KCNMB4: variants seen among roughly 807,000 people sequenced by gnomAD.
KCNMB4 encodes the protein calcium-activated potassium channel subunit beta-4.
A neutral mutation model predicts 20.7 loss-of-function variants in KCNMB4; 3 were observed. That is an observed-to-expected ratio of 0.14 (90% confidence interval 0.07 to 0.37). The LOEUF is 0.37. Among genes scored for constraint, KCNMB4 ranks in the 10% least tolerant of loss-of-function variants. The pLI, the probability that KCNMB4 is intolerant of heterozygous loss-of-function variation, is 1.00. For missense variants in KCNMB4, 168 were observed against 265.9 expected, an observed-to-expected ratio of 0.63 and a Z score of 2.56; for synonymous variants, 110 against 113.4, an observed-to-expected ratio of 0.97 and a Z score of 0.19.
intron 1 of KCNMB4, among the ~76,000 whole-genome samples, chr12:70,386,593 TGTTG>T (rs1434539961): frequency 3.1e-5 from 4 of 130,068 alleles, no homozygotes; most frequent in Admixed American, 1.4e-4. Context: ...TTTGTTTGTT[TGTTG>T]TTTTTTTTTT....
chr12:70,405,809 G>A (rs1349291534), intron 2 of KCNMB4, among the ~76,000 whole-genome samples: 2 of 152,100 alleles, frequency 1.3e-5, no homozygotes, highest in African/African-American at 4.8e-5. Flanking sequence ...TGATACCTGG[G>A]GTCTCAGCTA....
intron 2 of KCNMB4, among the ~76,000 whole-genome samples, chr12:70,401,634 C>T (rs1051182119): frequency 1.5e-5 from 2 of 131,210 alleles, no homozygotes; most frequent in Non-Finnish European, 3.2e-5. Context: ...ACAGCAATGA[C>T]ACTTTTTTTT....
chr12:70,367,769 A>T (rs186126749), intron 1 of KCNMB4, among the ~76,000 whole-genome samples: 2 of 152,232 alleles, frequency 1.3e-5, no homozygotes, highest in Admixed American at 1.3e-4. Flanking sequence ...TCTGGAGAAC[A>T]GTAAAACTTG....
intron 1 of KCNMB4, among the ~76,000 whole-genome samples, chr12:70,382,966 C>G (rs1318352474): frequency 1.3e-5 from 2 of 152,122 alleles, no homozygotes; most frequent in Non-Finnish European, 2.9e-5. Flanking sequence ...GCCTATTGCT[C>G]CTAGGCTACA....
In KCNMB4 at chr12:70,366,713, C is replaced by T; in HGVS notation, c.-22C>T. 6.5e-7 allele frequency: 1 copy of T among 1,528,676 alleles called. No homozygotes were observed. The highest frequency in any genetic ancestry group is 2.5e-5 in the East Asian group (1 of 40,458). 94.7% of individuals were successfully genotyped at this position (1,528,676 alleles called of 1,614,324 possible). ...GCGGGAGGGGGCGGGGGGAGCACGC[C>T]AGCCGCCGAGAGTGGGGGGCGATGG... On this transcript the variant is annotated 5_prime_UTR_variant, in exon 1 of 3. Transcript: ENST00000258111.
intron 2 of KCNMB4, among the ~76,000 whole-genome samples, chr12:70,401,491 G>A (rs1565861206): frequency 6.6e-6 from 1 of 152,070 alleles, no homozygotes; most frequent in Non-Finnish European, 1.5e-5. Context: ...TACTGCCAAG[G>A]TAATCTTTCT....
At chr12:70,405,632 T>C (rs1868578698) in intron 2 of KCNMB4, among the ~76,000 whole-genome samples, 1 of 152,190 alleles carries the variant, frequency 6.6e-6, no homozygotes, top group African/African-American at 2.4e-5. Context: ...ATCCCACTCC[T>C]GGGTATTTCT....
At chr12:70,413,418 G>A (rs913496306) in intron 2 of KCNMB4, among the ~76,000 whole-genome samples, 3 of 152,178 alleles carry the variant, frequency 2.0e-5, no homozygotes, top group Non-Finnish European at 2.9e-5. Flanking sequence ...AGGACAAGTA[G>A]GTCATAGAGT....
chr12:70,423,302 C>T (rs534039918), intron 2 of KCNMB4, among the ~76,000 whole-genome samples: 2 of 152,126 alleles, frequency 1.3e-5, no homozygotes, highest in Non-Finnish European at 2.9e-5. Flanking sequence ...AACTCTTGTA[C>T]AATTAAACAT....
intron 1 of KCNMB4, among the ~76,000 whole-genome samples, chr12:70,387,398 A>AT (rs200125786): frequency 0.017 from 2,166 of 123,932 alleles, 59 homozygotes; most frequent in African/African-American, 0.054. Context: ...AAATTTTTTA[A>AT]TTTTTTTTTT....
At chr12:70,421,223 C>T (rs535100208) in intron 2 of KCNMB4, among the ~76,000 whole-genome samples, 15 of 151,902 alleles carry the variant, frequency 9.9e-5, no homozygotes, top group South Asian at 4.2e-4. Context: ...TGAGTATGGT[C>T]GCTCATATCT....
rs147348489 is a variant in KCNMB4 at position 70,386,688 on chromosome 12, A to G, written c.337-13521A>G. Among the ~76,000 whole-genome samples the G allele has an allele frequency of 1.3e-3, 202 of 152,038 alleles. 4 individuals carry two copies. In the East Asian group the frequency reaches 0.029, roughly 21 times the overall value. On this transcript the variant is annotated intron_variant, in intron 1 of 2. Coordinates refer to ENST00000258111, the MANE Select transcript of KCNMB4 (RefSeq NM_014505.6). ...TACCATAATTACAGTTTTTGAAAATACATGCCAGCTTTTATTCCTGTTCTC... is the reference window on the plus strand; with the variant it reads ...TACCATAATTACAGTTTTTGAAAATGCATGCCAGCTTTTATTCCTGTTCTC...
Position 70,383,549 on chromosome 12 carries a change from A to G in KCNMB4, c.336+16479A>G, listed in dbSNP as rs116670010. On this transcript the variant is annotated intron_variant, in intron 1 of 2. Transcript: ENST00000258111. ...AGGTTGCTTAACTCAACAGAGATTT[A>G]TTTGTCCACAGTTCTGAAGTCTGTA... Among the ~76,000 whole-genome samples the G allele has an allele frequency of 2.5e-3, 380 of 152,300 alleles. 1 individual carries two copies. The highest frequency in any genetic ancestry group is 8.4e-3 in the African/African-American group (348 of 41,582).
chr12:70,388,331 G>A (rs777507603), intron 1 of KCNMB4, among the ~76,000 whole-genome samples: 1 of 151,830 alleles, frequency 6.6e-6, no homozygotes, highest in Admixed American at 6.6e-5. Context: ...CTTTTCTTTT[G>A]GGTATATACC....
At chr12:70,380,468 C>A (rs1268369662) in intron 1 of KCNMB4, among the ~76,000 whole-genome samples, 1 of 152,146 alleles carries the variant, frequency 6.6e-6, no homozygotes, top group Non-Finnish European at 1.5e-5. Flanking sequence ...AAAATGGTGC[C>A]AATGGACTTG....
chr12:70,420,198 G>GTAC (rs1157482503), intron 2 of KCNMB4, among the ~76,000 whole-genome samples: 2 of 152,226 alleles, frequency 1.3e-5, no homozygotes, highest in Non-Finnish European at 2.9e-5. Flanking sequence ...TACAGTATAG[G>GTAC]AGAGCGGTTT....
intron 1 of KCNMB4, among the ~76,000 whole-genome samples, chr12:70,383,719 C>T (rs1883836372): frequency 6.6e-6 from 1 of 152,232 alleles, no homozygotes; most frequent in South Asian, 2.1e-4. Flanking sequence ...TCTGTCTTCA[C>T]ATGGCCTTTT....
At chr12:70,397,020 AT>A (rs1348709465) in intron 1 of KCNMB4, among the ~76,000 whole-genome samples, 1 of 152,212 alleles carries the variant, frequency 6.6e-6, no homozygotes, top group Non-Finnish European at 1.5e-5. Context: ...ATTTAAGGAA[AT>A]GGAGCCATAA....
At chr12:70,425,212 A>G (rs1402886208) in intron 2 of KCNMB4, among the ~76,000 whole-genome samples, 1 of 152,012 alleles carries the variant, frequency 6.6e-6, no homozygotes, top group East Asian at 1.9e-4. Context: ...CGAGGTGGGC[A>G]GATCACAAGG....
Sources: allele counts gnomAD v4.1 joint callset (sites outside exome capture counted in the v4.1 genomes callset), GRCh38; gene constraint gnomAD v4.1.1; transcripts MANE v1.5; gene names NCBI Gene and HGNC (gene_info 2026-07-23, HGNC 2026-07-21).